The following SAMD4A variants were observed in gnomAD, a reference collection of about 807,000 sequenced individuals.
The protein encoded by SAMD4A is sterile alpha motif domain containing 4A.
SAMD4A carries 33 observed loss-of-function variants against 81.3 expected under a neutral mutation model. That is an observed-to-expected ratio of 0.41 (90% CI 0.31 to 0.54). The LOEUF (loss-of-function observed/expected upper bound fraction) is 0.54, where lower values mean the gene tolerates loss of function less well. Among genes scored for constraint, SAMD4A ranks in the 20% least tolerant of loss-of-function variants. The pLI, the probability that SAMD4A is intolerant of heterozygous loss-of-function variation, is 0.37. For synonymous variants in SAMD4A, 389 were observed against 382.1 expected (o/e 1.02, Z -0.21); for missense variants, 854 against 951.1 (o/e 0.90, Z 1.34).
intron 2 of SAMD4A, among the ~76,000 whole-genome samples, chr14:54,628,403 T>A (rs1025980333): frequency 6.6e-6 from 1 of 152,128 alleles, no homozygotes; most frequent in Non-Finnish European, 1.5e-5. Flanking sequence ...AATTGAATAA[T>A]GGCATGGATG....
intron 2 of SAMD4A, among the ~76,000 whole-genome samples, chr14:54,696,344 T>C (rs2036577820): frequency 6.6e-6 from 1 of 152,250 alleles, no homozygotes; most frequent in South Asian, 2.1e-4. Context: ...TAGAAGCTTT[T>C]AGTACATGAT....
intron 2 of SAMD4A, among the ~76,000 whole-genome samples, chr14:54,568,718 T>C (rs1451011417): frequency 2.4e-5 from 3 of 125,534 alleles, no homozygotes; most frequent in Non-Finnish European, 5.2e-5. Flanking sequence ...TATATATATA[T>C]ATATATATAT....
chr14:54,585,170 T>A (rs1233262162), intron 2 of SAMD4A, among the ~76,000 whole-genome samples: 1 of 152,234 alleles, frequency 6.6e-6, no homozygotes, highest in Non-Finnish European at 1.5e-5. Flanking sequence ...GTCATTAATA[T>A]TTTAATGCAC....
chr14:54,691,707 G>C (rs559399003), intron 2 of SAMD4A, among the ~76,000 whole-genome samples: 1 of 152,278 alleles, frequency 6.6e-6, no homozygotes, highest in African/African-American at 2.4e-5. Context: ...TTGGCTGGCG[G>C]CTGGAGGGGA....
rs2140003527 is a variant in SAMD4A, at chr14:54,789,589, TAA to T, written c.*647_*648del. On this transcript the variant is annotated 3_prime_UTR_variant, in exon 13 of 13. Coordinates refer to ENST00000554335, the MANE Select transcript of SAMD4A (RefSeq NM_015589.6). ...ATAATTTTAAAGGGTACATAATGTGTAAAGAGTTTGGATAGAACCTCTCTTCA... is the reference window on the plus strand; with the variant it reads ...ATAATTTTAAAGGGTACATAATGTGTAGAGTTTGGATAGAACCTCTCTTCA... 1 of 152,524 alleles carries T rather than the reference TAA, an allele frequency of 6.6e-6. No homozygotes were observed. The highest frequency in any genetic ancestry group is 2.1e-4 in the South Asian group (1 of 4,838). The allele number at this position is 152,524 out of a possible 1,614,324, so 9.4% of individuals were successfully genotyped here. A position where few individuals can be genotyped will look rare whatever the true frequency, so the allele number is the denominator to read the frequency against.
chr14:54,643,387 T>G (rs767850439), intron 2 of SAMD4A, among the ~76,000 whole-genome samples: 2 of 152,194 alleles, frequency 1.3e-5, no homozygotes, highest in African/African-American at 4.8e-5. Flanking sequence ...TCTTTGATGC[T>G]TAGGTTTCAA....
chr14:54,574,716 A>G (rs928955555), intron 2 of SAMD4A, among the ~76,000 whole-genome samples: 1 of 152,236 alleles, frequency 6.6e-6, no homozygotes, highest in African/African-American at 2.4e-5. Flanking sequence ...TCCTCCTAGT[A>G]GGATATTTTT....
At chr14:54,783,163 A>AC (rs2039042933) in intron 11 of SAMD4A, among the ~76,000 whole-genome samples, 1 of 151,990 alleles carries the variant, frequency 6.6e-6, no homozygotes, top group Non-Finnish European at 1.5e-5. Context: ...ACTTTAAAAA[A>AC]AAAAAAAAAA....
chr14:54,599,606 T>G (rs1200605986), intron 2 of SAMD4A, among the ~76,000 whole-genome samples: 1 of 152,268 alleles, frequency 6.6e-6, no homozygotes, highest in African/African-American at 2.4e-5. Context: ...TCTAGCTCTG[T>G]GATCTTGGAC....
intron 2 of SAMD4A, among the ~76,000 whole-genome samples, chr14:54,655,015 C>T (rs7151563): frequency 0.46 from 69,387 of 152,058 alleles, 16,207 homozygotes; most frequent in South Asian, 0.5. Context: ...CAAGGGACAC[C>T]GCTCTTCCTT....
At position 54,678,309 on chromosome 14, in the gene SAMD4A, G is replaced by A. The variant is rs548803253; in HGVS notation, c.197-23753G>A. 2.0e-5 allele frequency among the ~76,000 whole-genome samples: 3 copies of A among 152,202 alleles called. No homozygotes were observed. The South Asian group carries it at 6.2e-4, about 32-fold the overall frequency. On this transcript the variant is annotated intron_variant, in intron 2 of 12. Coordinates refer to ENST00000554335, the MANE Select transcript of SAMD4A (RefSeq NM_015589.6). ...GTTCCTTTCCTCCAGGTACAGGGAG[G>A]GTACCTCTAGAATGAAGGTTTTATG...
chr14:54,626,065 CGCGCGCGCGCGAGT>C (rs1466538885), intron 2 of SAMD4A, among the ~76,000 whole-genome samples: 1,997 of 99,546 alleles, frequency 0.02, 49 homozygotes, highest in African/African-American at 0.077. Flanking sequence ...TGTGTGCGCG[CGCGCGCGCGCGAGT>C]GCGCACATGT....
At chr14:54,591,625 G>A (rs1171475674) in intron 2 of SAMD4A, among the ~76,000 whole-genome samples, 2 of 151,856 alleles carry the variant, frequency 1.3e-5, no homozygotes, top group Non-Finnish European at 2.9e-5. Context: ...GTATCAGTCA[G>A]CATGTGTAGC....
chr14:54,721,711 T>G (rs2037266882), intron 3 of SAMD4A, among the ~76,000 whole-genome samples: 1 of 152,208 alleles, frequency 6.6e-6, no homozygotes, highest in Non-Finnish European at 1.5e-5. Context: ...AGCCTGTCAC[T>G]TTCCTTCTCT....
Position 54,727,241 on chromosome 14 carries a change from GT to G in SAMD4A, c.716-9782del, listed in dbSNP as rs1200114389. Among the ~76,000 whole-genome samples, 4 of 121,214 alleles carry G rather than the reference GT, an allele frequency of 3.3e-5. No homozygotes were observed. The East Asian group carries it at 1.1e-3, about 32-fold the overall frequency. 79.5% of individuals were successfully genotyped at this position (121,214 alleles called of 152,430 possible). On this transcript the variant is annotated intron_variant, in intron 3 of 12. Coordinates refer to ENST00000554335, the MANE Select transcript of SAMD4A (RefSeq NM_015589.6). ...GTCTCACTCTGTTGCACAGCCTGGA[GT>G]GCAGTGGCACGATCTCGGCTTACTG... is the stretch of plus-strand genomic sequence containing the variant.
Position 54,789,195 on chromosome 14 carries a change from A to C in SAMD4A, c.*251A>C. 6.0e-6 allele frequency: 2 copies of C among 331,710 alleles called. No homozygotes were observed. Among genetic ancestry groups the C allele is most frequent in the Non-Finnish European group, 1.2e-5 (2 of 171,460 alleles). 20.5% of individuals were successfully genotyped at this position (331,710 alleles called of 1,614,324 possible). On this transcript the variant is annotated 3_prime_UTR_variant, in exon 13 of 13. Transcript: ENST00000554335. Reference sequence around the variant, plus strand: ...GTGTGTGGGGTGGGGAGGGGTCTCTAGGGAATTATGAGACTGGGAGGGGGG... The same window carrying C: ...GTGTGTGGGGTGGGGAGGGGTCTCTCGGGAATTATGAGACTGGGAGGGGGG...
At chr14:54,610,238 G>C (rs2034318216) in intron 2 of SAMD4A, among the ~76,000 whole-genome samples, 1 of 152,148 alleles carries the variant, frequency 6.6e-6, no homozygotes, top group Non-Finnish European at 1.5e-5. Context: ...CAATTAGAAT[G>C]AAACTAAAAT....
intron 2 of SAMD4A, among the ~76,000 whole-genome samples, chr14:54,582,107 G>C (rs1242827911): frequency 6.6e-6 from 1 of 152,152 alleles, no homozygotes; most frequent in Non-Finnish European, 1.5e-5. Flanking sequence ...GAAATTCTGA[G>C]CTATAATGTC....
At chr14:54,633,708 G>A (rs1023056808) in intron 2 of SAMD4A, among the ~76,000 whole-genome samples, 3 of 152,114 alleles carry the variant, frequency 2.0e-5, no homozygotes, top group Admixed American at 1.3e-4. Context: ...TCCTGGCTCT[G>A]TCATTTACTA....
Sources: allele counts gnomAD v4.1 joint callset (sites outside exome capture counted in the v4.1 genomes callset), GRCh38; gene constraint gnomAD v4.1.1; transcripts MANE v1.5; gene names NCBI Gene and HGNC (gene_info 2026-07-23, HGNC 2026-07-21).